STARD13: variants seen among roughly 807,000 people sequenced by gnomAD.
The protein encoded by STARD13 is StAR related lipid transfer domain containing 13.
A neutral mutation model predicts 106.4 loss-of-function variants in STARD13; 62 were observed. The observed-to-expected ratio is 0.58, with a 90% CI of 0.48 to 0.72. The LOEUF is 0.72. Among genes scored for constraint, STARD13 ranks in the 30% least tolerant of loss-of-function variants. The pLI, the probability that STARD13 is intolerant of heterozygous loss-of-function variation, is 0.00. For missense variants in STARD13, 1,387 were observed against 1,424.0 expected (o/e 0.97, Z 0.42); for synonymous variants, 565 against 553.0 (o/e 1.02, Z -0.31).
chr13:33,671,243 A>G, the STARD13 span, among the ~76,000 whole-genome samples: 4 of 152,246 alleles, frequency 2.6e-5, no homozygotes, highest in African/African-American at 4.8e-5. Flanking sequence ...CAAATGTCCA[A>G]CAGTTGATGG....
chr13:33,219,181 C>T (rs1247999223), intron 1 of STARD13, among the ~76,000 whole-genome samples: 5 of 152,102 alleles, frequency 3.3e-5, no homozygotes, highest in Admixed American at 6.5e-5. Flanking sequence ...CCATGCAGTA[C>T]GCCACAGTTC....
chr13:33,430,074 C>T, the STARD13 span, among the ~76,000 whole-genome samples: 3 of 152,122 alleles, frequency 2.0e-5, no homozygotes, highest in East Asian at 1.9e-4. Context: ...CCCGCCACCA[C>T]GCCTGGCTAA....
the STARD13 span, among the ~76,000 whole-genome samples, chr13:33,655,820 A>G: frequency 6.6e-6 from 1 of 152,214 alleles, no homozygotes; most frequent in African/African-American, 2.4e-5. Flanking sequence ...AGGTTCTGGA[A>G]TTGGTTCCCA....
intron 4 of STARD13, among the ~76,000 whole-genome samples, chr13:33,141,758 T>C (rs1879858960): frequency 6.6e-6 from 1 of 152,192 alleles, no homozygotes; most frequent in African/African-American, 2.4e-5. Flanking sequence ...AGATCCTTTC[T>C]GAACTTTTAA....
At chr13:33,451,785 T>C in the STARD13 span, among the ~76,000 whole-genome samples, 2 of 151,968 alleles carry the variant, frequency 1.3e-5, no homozygotes, top group Admixed American at 6.6e-5. Flanking sequence ...TGAAGTAAGA[T>C]TGAAGAAGAG....
the STARD13 span, among the ~76,000 whole-genome samples, chr13:33,525,060 C>T: frequency 4.6e-5 from 7 of 151,752 alleles, no homozygotes; most frequent in Non-Finnish European, 7.4e-5. Context: ...CTCGCTCTGT[C>T]ACCCAGGCTG....
At chr13:33,259,527 T>C (rs910869450) in intron 1 of STARD13, among the ~76,000 whole-genome samples, 3 of 152,120 alleles carry the variant, frequency 2.0e-5, no homozygotes, top group Non-Finnish European at 4.4e-5. Flanking sequence ...CTTTTGACAT[T>C]GCCAGACTCC....
At chr13:33,221,807 T>TA (rs963011760) in intron 1 of STARD13, among the ~76,000 whole-genome samples, 1 of 152,088 alleles carries the variant, frequency 6.6e-6, no homozygotes, top group African/African-American at 2.4e-5. Context: ...GATGAATGGA[T>TA]AAAAAAATGT....
the STARD13 span, among the ~76,000 whole-genome samples, chr13:33,671,342 T>A: frequency 1.3e-5 from 2 of 152,278 alleles, no homozygotes; most frequent in Admixed American, 6.5e-5. Context: ...CATGCACTAA[T>A]GTGCAATCAT....
At chr13:33,299,448 C>T (rs973601352) in intron 1 of STARD13, among the ~76,000 whole-genome samples, 4 of 152,094 alleles carry the variant, frequency 2.6e-5, no homozygotes, top group Non-Finnish European at 5.9e-5. Context: ...ACTAATGCAC[C>T]TCAAATTCAA....
chr13:33,432,062 G>A, the STARD13 span, among the ~76,000 whole-genome samples: 1 of 152,102 alleles, frequency 6.6e-6, no homozygotes, highest in Non-Finnish European at 1.5e-5. Flanking sequence ...CTGAGGTATA[G>A]AAGAGCAGGA....
the STARD13 span, among the ~76,000 whole-genome samples, chr13:33,614,606 T>C: frequency 6.6e-6 from 1 of 151,984 alleles, no homozygotes. Flanking sequence ...CTTTTAAACA[T>C]AATCAAGTGC....
chr13:33,510,409 C>T, the STARD13 span, among the ~76,000 whole-genome samples: 1 of 152,168 alleles, frequency 6.6e-6, no homozygotes, highest in East Asian at 1.9e-4. Flanking sequence ...TAATGAGAGA[C>T]ATAGTTAACC....
chr13:33,352,732 G>A (rs1380451224), upstream of STARD13, among the ~76,000 whole-genome samples: 1 of 152,206 alleles, frequency 6.6e-6, no homozygotes, highest in Non-Finnish European at 1.5e-5. Context: ...CCGGCTGCTG[G>A]CCCTGTTGGA....
At chr13:33,504,199 A>T in the STARD13 span, among the ~76,000 whole-genome samples, 1 of 152,152 alleles carries the variant, frequency 6.6e-6, no homozygotes, top group East Asian at 1.9e-4. Flanking sequence ...CAGTGTGGTG[A>T]TTCCTCAAGG....
chr13:33,168,753 G>A (rs17078667), intron 1 of STARD13, among the ~76,000 whole-genome samples: 2,572 of 152,286 alleles, frequency 0.017, 62 homozygotes, highest in African/African-American at 0.057. Flanking sequence ...CTGGGCCTGC[G>A]ATTGTACCTC....
chr13:33,413,048 T>C, the STARD13 span, among the ~76,000 whole-genome samples: 3 of 152,108 alleles, frequency 2.0e-5, no homozygotes, highest in Non-Finnish European at 4.4e-5. Flanking sequence ...TTTAAAACAA[T>C]TGAAATAAAA....
intron 1 of STARD13, among the ~76,000 whole-genome samples, chr13:33,309,914 T>C (rs776921937): frequency 5.3e-5 from 8 of 152,206 alleles, no homozygotes; most frequent in African/African-American, 1.7e-4. Flanking sequence ...TTTTCCTTCA[T>C]ATGGAATCAC....
intron 1 of STARD13, among the ~76,000 whole-genome samples, chr13:33,234,272 C>G (rs568159450): frequency 6.6e-6 from 1 of 152,242 alleles, no homozygotes; most frequent in East Asian, 1.9e-4. Flanking sequence ...GTTTTCTGCC[C>G]CTTTGTCCTC....
Sources: allele counts gnomAD v4.1 joint callset (sites outside exome capture counted in the v4.1 genomes callset), GRCh38; gene constraint gnomAD v4.1.1; transcripts MANE v1.5; gene names NCBI Gene and HGNC (gene_info 2026-07-23, HGNC 2026-07-21).